The following SNX7 variants were observed in gnomAD, a reference collection of about 807,000 sequenced individuals.
SNX7 encodes the protein sorting nexin 7, also known as sorting nexin-7.
A neutral mutation model predicts 48.4 loss-of-function variants in SNX7; 35 were observed. The ratio of observed to expected loss-of-function variants is 0.72; its 90% CI spans 0.55 to 0.96. The LOEUF is 0.96. Among genes scored for constraint, SNX7 ranks in the 40% least tolerant of loss-of-function variants. The probability of loss-of-function intolerance (pLI) is 0.00; values close to 1 mark genes in which losing one functional copy is unlikely to be tolerated. For missense variants in SNX7, 553 were observed against 548.9 expected, an observed-to-expected ratio of 1.01 and a Z score of -0.07; for synonymous variants, 190 against 190.2, an observed-to-expected ratio of 1.00 and a Z score of 0.01.
At chr1:98,693,132 A>G (rs1570525286) in intron 4 of SNX7, among the ~76,000 whole-genome samples, 1 of 152,092 alleles carries the variant, frequency 6.6e-6, no homozygotes, top group African/African-American at 2.4e-5. Context: ...TTTTTAAGTT[A>G]GGATAAAAGT....
intron 7 of SNX7, among the ~76,000 whole-genome samples, chr1:98,729,358 T>A (rs1334056017): frequency 2.0e-5 from 3 of 151,898 alleles, no homozygotes; most frequent in Non-Finnish European, 4.4e-5. Flanking sequence ...ACGTAGCATC[T>A]CAACTAAAAG....
chr1:98,742,179 C>CT (rs1294782825), intron 8 of SNX7, among the ~76,000 whole-genome samples: 1 of 152,086 alleles, frequency 6.6e-6, no homozygotes, highest in Non-Finnish European at 1.5e-5. Context: ...TTCTTTGTCT[C>CT]TAACACATCA....
At position 98,760,359 on chromosome 1, in the gene SNX7, G is replaced by A. The variant is rs1370995259; in HGVS notation, c.*228G>A. 2 of 356,746 alleles carry A rather than the reference G, an allele frequency of 5.6e-6. No individual in the cohort carries two copies. Among genetic ancestry groups the A allele is most frequent in the African/African-American group, 2.1e-5 (1 of 47,842 alleles). The allele number at this position is 356,746 out of a possible 1,614,324, so 22.1% of individuals were successfully genotyped here. ...GTATATAGATATATAAATACAGAGA[G>A]ATATCTGGCTTGGTTTTAATTATGT... On this transcript the variant is annotated 3_prime_UTR_variant, in exon 9 of 9. Coordinates refer to ENST00000306121, the MANE Select transcript of SNX7 (RefSeq NM_015976.5).
intron 7 of SNX7, among the ~76,000 whole-genome samples, chr1:98,718,989 A>C (rs6686695): frequency 0.94 from 143,199 of 152,138 alleles, 67,757 homozygotes; most frequent in Non-Finnish European, 0.99. Flanking sequence ...TAATGCTTTA[A>C]TGAAGAATTT....
chr1:98,728,635 G>T (rs1369971116), intron 7 of SNX7, among the ~76,000 whole-genome samples: 1 of 152,128 alleles, frequency 6.6e-6, no homozygotes, highest in Non-Finnish European at 1.5e-5. Context: ...GCAGGAACAA[G>T]CAGGGGTTGC....
intron 1 of SNX7, among the ~76,000 whole-genome samples, chr1:98,663,253 G>GTTTT (rs61588201): frequency 4.8e-5 from 2 of 41,506 alleles, no homozygotes; most frequent in African/African-American, 1.5e-4. Context: ...TTTCTTTCTG[G>GTTTT]TTTTTTTTTT....
intron 7 of SNX7, among the ~76,000 whole-genome samples, chr1:98,715,690 C>T (rs775411669): frequency 1.3e-5 from 2 of 152,142 alleles, no homozygotes; most frequent in Non-Finnish European, 2.9e-5. Flanking sequence ...TCATTTTGAT[C>T]ACCTCTTTGC....
intron 7 of SNX7, among the ~76,000 whole-genome samples, chr1:98,717,515 G>T (rs1438480876): frequency 1.3e-5 from 2 of 152,030 alleles, no homozygotes; most frequent in Non-Finnish European, 1.5e-5. Context: ...TGCAGAAACC[G>T]CTATATCTAA....
At chr1:98,701,944 T>C (rs1651773327) in intron 7 of SNX7, 41 bp downstream of exon 7, 6 of 1,406,660 alleles carry the variant, frequency 4.3e-6, no homozygotes, top group African/African-American at 1.4e-5. Context: ...ATAGAATTCA[T>C]TGTCTAAAAT....
At chr1:98,751,104 A>G (rs569582577) in intron 8 of SNX7, among the ~76,000 whole-genome samples, 20 of 152,242 alleles carry the variant, frequency 1.3e-4, no homozygotes, top group Non-Finnish European at 2.9e-5. Flanking sequence ...ACACTGTAGG[A>G]CAGAACATCT....
At chr1:98,701,770 A>G (rs891330281) in intron 6 of SNX7, 47 bp from the exon 7 acceptor site, 1 of 1,327,140 alleles carries the variant, frequency 7.5e-7, no homozygotes, top group Non-Finnish European at 1.0e-6. Flanking sequence ...AGGAAAGATT[A>G]TTAAAACTAA....
In SNX7 at chr1:98,729,496, A is replaced by ATTT. The variant is rs36054593; in HGVS notation, c.1126-8733_1126-8731dup. Reference sequence around the variant, plus strand: ...AAAAAATCAGTGAATCCAGGAGCTGATTTTTTTTTTGAAAAATTAATATTA... The same window carrying ATTT: ...AAAAAATCAGTGAATCCAGGAGCTGATTTTTTTTTTTTTGAAAAATTAATATTA... On this transcript the variant is annotated intron_variant, in intron 7 of 8. Transcript: ENST00000306121. 2.1e-3 allele frequency among the ~76,000 whole-genome samples: 309 copies of ATTT among 149,180 alleles called. 1 individual carries two copies. Among genetic ancestry groups the ATTT allele is most frequent in the Non-Finnish European group, 2.8e-3 (188 of 67,236 alleles).
intron 7 of SNX7, among the ~76,000 whole-genome samples, chr1:98,727,449 A>T (rs9324405): frequency 0.29 from 43,694 of 151,804 alleles, 6,785 homozygotes; most frequent in Non-Finnish European, 0.34. Context: ...AAAACTAAAA[A>T]AGCCAGTGTA....
chr1:98,714,692 T>A (rs1321294067), intron 7 of SNX7, among the ~76,000 whole-genome samples: 7 of 152,166 alleles, frequency 4.6e-5, no homozygotes, highest in Admixed American at 1.3e-4. Context: ...AAAGCCATGA[T>A]CCTCTGAAAT....
chr1:98,760,056 C>T lies in SNX7; in HGVS notation c.1281C>T (p.Cys427=). Residue 427 remains cysteine (C), a splice_region_variant and synonymous_variant, in exon 9 of 9, where the codon TGC becomes TGT. Coordinates refer to ENST00000306121, the MANE Select transcript of SNX7 (RefSeq NM_015976.5). ...AEENIHYYEQ[C]LATWESFLTS... ...CATGGTGTGTTTCCATTATTCAGTG[C>T]CTTGCTACGTGGGAGTCATTCCTTA... 1 of 1,591,882 alleles carries T rather than the reference C, an allele frequency of 6.3e-7. No homozygotes were observed. Among genetic ancestry groups the T allele is most frequent in the East Asian group, 2.2e-5 (1 of 44,704 alleles).
At position 98,747,934 on chromosome 1, in the gene SNX7, A is replaced by T. The variant is rs1042226213; in HGVS notation, c.1278+9545A>T. ...TCCATCTAGTTTTGAACCTTTTATT[A>T]TGTGTCGTATAAGTCTTAAATATTT... On this transcript the variant is annotated intron_variant, in intron 8 of 8. Transcript: ENST00000306121. Among the ~76,000 whole-genome samples, 3 of 148,588 alleles carry T rather than the reference A, an allele frequency of 2.0e-5. No homozygotes were observed. The South Asian group carries it at 6.3e-4, about 31-fold the overall frequency.
chr1:98,739,489 T>C (rs1653965094), intron 8 of SNX7, among the ~76,000 whole-genome samples: 1 of 152,184 alleles, frequency 6.6e-6, no homozygotes, highest in African/African-American at 2.4e-5. Context: ...TGCCTGGCCC[T>C]GGAGAGACCA....
At chr1:98,696,912 T>G (rs957938686) in intron 5 of SNX7, among the ~76,000 whole-genome samples, 2 of 152,108 alleles carry the variant, frequency 1.3e-5, no homozygotes, top group Admixed American at 6.5e-5. Flanking sequence ...AGATGGTACC[T>G]GTTAAGCTCA....
At chr1:98,662,970 G>A (rs929551617) in intron 1 of SNX7, among the ~76,000 whole-genome samples, 11 of 152,110 alleles carry the variant, frequency 7.2e-5, no homozygotes, top group African/African-American at 2.7e-4. Context: ...TTTGTATTCC[G>A]AATATTTAAA....
Sources: allele counts gnomAD v4.1 joint callset (sites outside exome capture counted in the v4.1 genomes callset), GRCh38; gene constraint gnomAD v4.1.1; transcripts MANE v1.5; gene names NCBI Gene and HGNC (gene_info 2026-07-23, HGNC 2026-07-21).